Variants in RBM19 observed in about 807,000 individuals in gnomAD.
The protein encoded by RBM19 is RNA binding motif protein 19.
Under a neutral mutation model 116.8 loss-of-function variants are expected in RBM19, and 94 were observed. That is an observed-to-expected ratio of 0.80 (90% confidence interval 0.68 to 0.95). The LOEUF (loss-of-function observed/expected upper bound fraction) is 0.95, where lower values mean the gene tolerates loss of function less well. RBM19 is among the 40% of genes least tolerant of loss of function. RBM19 has a pLI of 0.00. For synonymous variants in RBM19, 475 were observed against 494.1 expected, an observed-to-expected ratio of 0.96 and a Z score of 0.51; for missense variants, 1,161 against 1,220.7, an observed-to-expected ratio of 0.95 and a Z score of 0.73.
intron 23 of RBM19, among the ~76,000 whole-genome samples, chr12:113,836,025 C>T (rs908037027): frequency 1.8e-4 from 27 of 152,330 alleles, no homozygotes; most frequent in African/African-American, 6.5e-4. Flanking sequence ...GAAAGCTTCT[C>T]GATGCCGTGA....
intron 20 of RBM19, 143 bp downstream of exon 20, chr12:113,918,249 A>C: frequency 1.3e-6 from 1 of 789,410 alleles, no homozygotes; most frequent in Non-Finnish European, 2.1e-6. Context: ...ATAATTAGGC[A>C]TCTTAATTAG....
intron 21 of RBM19, among the ~76,000 whole-genome samples, chr12:113,865,095 T>G (rs1301835982): frequency 6.6e-6 from 1 of 152,220 alleles, no homozygotes; most frequent in Non-Finnish European, 1.5e-5. Flanking sequence ...TACTTGGGAA[T>G]CAAGGCTGTG....
intron 1 of RBM19, 148 bp downstream of exon 1, chr12:113,966,044 C>A: frequency 2.3e-6 from 2 of 856,876 alleles, no homozygotes; most frequent in South Asian, 3.1e-5. Context: ...GGGGATAAGC[C>A]CAGGATCCCG....
At position 113,877,421 on chromosome 12, in the gene RBM19, A is replaced by G. The variant is rs149901998; in HGVS notation, c.2559-18525T>C. 4.0e-4 allele frequency among the ~76,000 whole-genome samples: 61 copies of G among 152,280 alleles called. 1 individual carries two copies. The highest frequency in any genetic ancestry group is 1.3e-3 in the African/African-American group (53 of 41,570). On this transcript the variant is annotated intron_variant, in intron 21 of 23. Transcript: ENST00000261741. Reference sequence around the variant, plus strand: ...GGAGCCCTGTGGCCAGATCTGGCCCATGAGGTGTGAGCAGAGGCCTGAGTG... The same window carrying G: ...GGAGCCCTGTGGCCAGATCTGGCCCGTGAGGTGTGAGCAGAGGCCTGAGTG...
chr12:113,905,977 A>T (rs184740497), intron 21 of RBM19, among the ~76,000 whole-genome samples: 8 of 152,352 alleles, frequency 5.3e-5, no homozygotes, highest in African/African-American at 1.7e-4. Flanking sequence ...CCAAGTGTGG[A>T]CGAGGATGAG....
intron 14 of RBM19, among the ~76,000 whole-genome samples, 167 bp from the exon 15 acceptor site, chr12:113,940,327 C>T (rs576347749): frequency 6.6e-6 from 1 of 152,348 alleles, no homozygotes; most frequent in African/African-American, 2.4e-5. Context: ...TGGCATGATG[C>T]TCCCTGCAAG....
In RBM19 at chr12:113,920,703, G is replaced by C; in HGVS notation, c.2306-13C>G. ...GAAAGGAGCACTCCTGAGAGAGAGA[G>C]GTGGAAATCACACCAGTCGGTGAAG... is the stretch of plus-strand genomic sequence containing the variant. On this transcript the variant is annotated splice_polypyrimidine_tract_variant and intron_variant, in intron 18 of 23. Transcript: ENST00000261741. 6.2e-7 allele frequency: 1 copy of C among 1,610,872 alleles called. No individual in the cohort carries two copies. The highest frequency in any genetic ancestry group is 8.5e-7 in the Non-Finnish European group (1 of 1,177,160).
At chr12:113,894,018 G>A (rs1881144117) in intron 21 of RBM19, among the ~76,000 whole-genome samples, 1 of 152,208 alleles carries the variant, frequency 6.6e-6, no homozygotes, top group South Asian at 2.1e-4. Context: ...GATCAGCACT[G>A]AGCACTCCAC....
At chr12:113,855,640 G>A (rs1213306774) in intron 22 of RBM19, among the ~76,000 whole-genome samples, 1 of 152,168 alleles carries the variant, frequency 6.6e-6, no homozygotes, top group Non-Finnish European at 1.5e-5. Context: ...AGGATGCACA[G>A]GAGCCGGCCC....
At chr12:113,869,814 C>T (rs1879091258) in intron 21 of RBM19, among the ~76,000 whole-genome samples, 1 of 152,180 alleles carries the variant, frequency 6.6e-6, no homozygotes, top group Non-Finnish European at 1.5e-5. Context: ...TCCATCAGGC[C>T]TGATATCTCC....
chr12:113,886,162 C>T lies in RBM19; in HGVS notation c.2559-27266G>A, dbSNP rs184723266. 9.3e-4 allele frequency among the ~76,000 whole-genome samples: 141 copies of T among 152,196 alleles called. 1 individual carries two copies. The highest frequency in any genetic ancestry group is 3.2e-3 in the African/African-American group (134 of 41,532). ...CTGGGATTACAGGCGTGAGCCACCG[C>T]CATTCTGTTGCCCAGGCTAGAATGC... On this transcript the variant is annotated intron_variant, in intron 21 of 23. Coordinates refer to ENST00000261741, the MANE Select transcript of RBM19 (RefSeq NM_016196.4).
chr12:113,888,414 T>C (rs1880700264), intron 21 of RBM19, among the ~76,000 whole-genome samples: 1 of 152,192 alleles, frequency 6.6e-6, no homozygotes, highest in Non-Finnish European at 1.5e-5. Context: ...TAAGTCCACA[T>C]TCCAGTGGCC....
Position 113,829,067 on chromosome 12 carries a change from G to A in RBM19, c.2786-5746C>T, listed in dbSNP as rs1255136002. Among the ~76,000 whole-genome samples, 4 of 151,704 alleles carry A rather than the reference G, an allele frequency of 2.6e-5. No individual in the cohort carries two copies. In the East Asian group the frequency reaches 5.8e-4, roughly 22 times the overall value. On this transcript the variant is annotated intron_variant, in intron 23 of 23. Transcript: ENST00000261741. ...CAGGTGAGTGCAGTGGAGCGATCTCGGCTCACTGCAACCTCTGCTTTCCGG... is the reference window on the plus strand; with the variant it reads ...CAGGTGAGTGCAGTGGAGCGATCTCAGCTCACTGCAACCTCTGCTTTCCGG...
At chr12:113,818,938 C>T (rs369694734), downstream of RBM19, among the ~76,000 whole-genome samples, 1 of 152,224 alleles carries the variant, frequency 6.6e-6, no homozygotes, top group African/African-American at 2.4e-5. Flanking sequence ...GCCCTCCTCA[C>T]CCATCCAGGG....
chr12:113,912,116 G>A (rs1413829431), intron 21 of RBM19, among the ~76,000 whole-genome samples: 3 of 152,212 alleles, frequency 2.0e-5, no homozygotes, highest in African/African-American at 4.8e-5. Flanking sequence ...ACTGAGGCCC[G>A]AGTGGAAGGC....
chr12:113,913,849 C>G (rs946495799), intron 21 of RBM19, among the ~76,000 whole-genome samples: 1 of 152,224 alleles, frequency 6.6e-6, no homozygotes, highest in African/African-American at 2.4e-5. Flanking sequence ...GTCCCCCGAG[C>G]AGTCCTGGAT....
chr12:113,905,721 AAAGT>A (rs1313774300), intron 21 of RBM19, among the ~76,000 whole-genome samples: 1 of 152,256 alleles, frequency 6.6e-6, no homozygotes. Flanking sequence ...AGTTAAATAA[AAAGT>A]AATTAGAAAA....
At chr12:113,882,612 C>G (rs866794399) in intron 21 of RBM19, among the ~76,000 whole-genome samples, 2 of 152,318 alleles carry the variant, frequency 1.3e-5, no homozygotes, top group Middle Eastern at 3.4e-3. Context: ...TAAATGAGAG[C>G]TGGAGGCACG....
At chr12:113,937,177 A>T in intron 15 of RBM19, 41 bp from the exon 16 acceptor site, 1 of 1,610,428 alleles carries the variant, frequency 6.2e-7, no homozygotes, top group East Asian at 2.2e-5. Flanking sequence ...TCTTCATTAC[A>T]ACACACTGCT....
Sources: gnomAD v4.1 joint callset for allele counts (sites outside exome capture counted in the v4.1 genomes callset) on GRCh38, gnomAD v4.1.1 for gene constraint, MANE v1.5 for transcripts, NCBI Gene and HGNC (gene_info 2026-07-23, HGNC 2026-07-21) for gene names.